The following SNX11 variants were observed in gnomAD, a reference collection of about 807,000 sequenced individuals.
The protein encoded by SNX11 is sorting nexin-11.
SNX11 carries 19 observed loss-of-function variants against 30.7 expected under a neutral mutation model. The ratio of observed to expected loss-of-function variants is 0.62; its 90% CI spans 0.43 to 0.91. SNX11 has a LOEUF of 0.91. Ranked by LOEUF, SNX11 falls within the 40% of genes least tolerant of loss-of-function variation. SNX11 has a pLI of 0.00. For synonymous variants in SNX11, 112 were observed against 119.0 expected, an observed-to-expected ratio of 0.94 and a Z score of 0.38; for missense variants, 302 against 326.7, an observed-to-expected ratio of 0.92 and a Z score of 0.58.
At chr17:48,110,374 A>G (rs1190689387) in intron 1 of SNX11, among the ~76,000 whole-genome samples, 4 of 152,156 alleles carry the variant, frequency 2.6e-5, no homozygotes, top group African/African-American at 7.2e-5. Context: ...GTGTAGCCCA[A>G]TTTTGTCATG....
rs1390136496 is a variant in SNX11, at chr17:48,121,602, G to C, written c.*94G>C. 7.2e-7 allele frequency: 1 copy of C among 1,391,496 alleles called. No individual in the cohort carries two copies. The highest frequency in any genetic ancestry group is 9.9e-7 in the Non-Finnish European group (1 of 1,009,928). The allele number at this position is 1,391,496 out of a possible 1,614,324, so 86.2% of individuals were successfully genotyped here. A position where few individuals can be genotyped will look rare whatever the true frequency, so the allele number is the denominator to read the frequency against. ...CACAGGGCAGGTATGTGGGAGGCTG[G>C]GCTGCTTAGTGTCTTCTAGTCACCT... is the stretch of plus-strand genomic sequence containing the variant. On this transcript the variant is annotated 3_prime_UTR_variant, in exon 7 of 7. Coordinates refer to ENST00000359238, the MANE Select transcript of SNX11 (RefSeq NM_013323.3).
chr17:48,108,318 C>T (rs2063457261), intron 1 of SNX11, among the ~76,000 whole-genome samples: 1 of 152,174 alleles, frequency 6.6e-6, no homozygotes, highest in Non-Finnish European at 1.5e-5. Context: ...TGGTTGAGAT[C>T]ACACAGAGCT....
At chr17:48,111,751 C>T (rs942389855) in intron 1 of SNX11, among the ~76,000 whole-genome samples, 2 of 152,002 alleles carry the variant, frequency 1.3e-5, no homozygotes, top group African/African-American at 2.4e-5. Context: ...GTTCTGGCTG[C>T]GTGTGACAAA....
At position 48,123,461 on chromosome 17, in the gene SNX11, C is replaced by T. The variant is rs1156901809; in HGVS notation, c.*1953C>T. The stretch of plus-strand genomic sequence containing the variant: ...CTGGGTTGGCCTTCTTCTGTTTGCT[C>T]CTTTTCTTCCTGGAGTTGGTGCTCA... On this transcript the variant is annotated 3_prime_UTR_variant, in exon 7 of 7. Transcript: ENST00000359238. Among the ~76,000 whole-genome samples the T allele has an allele frequency of 6.6e-6, 1 of 152,042 alleles. No homozygotes were observed. The highest frequency in any genetic ancestry group is 1.5e-5 in the Non-Finnish European group (1 of 68,020).
At chr17:48,113,734 G>A (rs1047864452) in intron 4 of SNX11, among the ~76,000 whole-genome samples, 4 of 151,880 alleles carry the variant, frequency 2.6e-5, no homozygotes, top group Non-Finnish European at 5.9e-5. Context: ...TTTTTGTAGA[G>A]ATGGAGGTCT....
intron 1 of SNX11, chr17:48,111,182 C>G (rs943715715): frequency 2.1e-6 from 2 of 954,878 alleles, no homozygotes; most frequent in Non-Finnish European, 2.5e-6. Context: ...AGGGGAAGGT[C>G]CCAACTGGGC....
intron 4 of SNX11, 111 bp from the exon 5 acceptor site, chr17:48,118,593 A>AAT: frequency 3.0e-6 from 2 of 671,950 alleles, no homozygotes; most frequent in Non-Finnish European, 5.1e-6. Flanking sequence ...AAAAAAAAAA[A>AAT]GCTATTTGTA....
intron 4 of SNX11, among the ~76,000 whole-genome samples, chr17:48,115,068 T>C (rs980140844): frequency 2.1e-4 from 31 of 150,288 alleles, no homozygotes; most frequent in Non-Finnish European, 3.9e-4. Flanking sequence ...TTTTTTCTTT[T>C]TTTTTTTTTT....
chr17:48,122,710 AGGGG>A lies in SNX11; in HGVS notation c.*1203_*1206del, dbSNP rs2063612924. ...TGTCATGGCATTTAGTTCAGAGTGG[AGGGG>A]CTTTGGCCTGAAATAAAATGCAAGT... On this transcript the variant is annotated 3_prime_UTR_variant, in exon 7 of 7. Coordinates refer to ENST00000359238, the MANE Select transcript of SNX11 (RefSeq NM_013323.3). The A allele has an allele frequency of 6.6e-6, 1 of 152,184 alleles. No homozygotes were observed. Among genetic ancestry groups the A allele is most frequent in the Admixed American group, 6.5e-5 (1 of 15,276 alleles). 9.4% of individuals were successfully genotyped at this position (152,184 alleles called of 1,614,324 possible). A position where few individuals can be genotyped will look rare whatever the true frequency, so the allele number is the denominator to read the frequency against.
intron 4 of SNX11, among the ~76,000 whole-genome samples, chr17:48,115,172 C>G (rs201217079): frequency 6.1e-4 from 92 of 151,448 alleles, no homozygotes; most frequent in Admixed American, 5.3e-3. Flanking sequence ...AGCGATTCTC[C>G]TGCCTCAGCT....
intron 6 of SNX11, among the ~76,000 whole-genome samples, chr17:48,120,202 T>G (rs959797689): frequency 4.1e-4 from 2 of 4,852 alleles, no homozygotes; most frequent in African/African-American, 1.2e-3. Context: ...CATTTATCTG[T>G]TTTTTTTTTT....
In SNX11 at chr17:48,114,217, G is replaced by A. The variant is rs1456695327; in HGVS notation, c.230+816G>A. On this transcript the variant is annotated intron_variant, in intron 4 of 6. Transcript: ENST00000359238. ...AGTTTTGCTCTTGTTGCCTGGGTGC[G>A]ATCTCGGCTCACCGCAACCTCCACC... Among the ~76,000 whole-genome samples the A allele has an allele frequency of 2.7e-5, 4 of 145,582 alleles. No homozygotes were observed. The East Asian group carries it at 8.0e-4, about 29-fold the overall frequency.
Position 48,121,661 on chromosome 17 carries a change from C to T in SNX11, c.*153C>T. The T allele has an allele frequency of 1.4e-6, 1 of 728,070 alleles. No homozygotes were observed. The highest frequency in any genetic ancestry group is 2.6e-5 in the East Asian group (1 of 38,840). The allele number at this position is 728,070 out of a possible 1,614,324, so 45.1% of individuals were successfully genotyped here. A position where few individuals can be genotyped will look rare whatever the true frequency, so the allele number is the denominator to read the frequency against. On this transcript the variant is annotated 3_prime_UTR_variant, in exon 7 of 7. Coordinates refer to ENST00000359238, the MANE Select transcript of SNX11 (RefSeq NM_013323.3). ...GCTGATTGACAGAGGTCAGTCATTA[C>T]AGCCCCTTATGCCTCTTCCATGGGA...
Position 48,122,498 on chromosome 17 carries a change from C to T in SNX11, c.*990C>T, listed in dbSNP as rs1041951500. 4 of 152,638 alleles carry T rather than the reference C, an allele frequency of 2.6e-5. No individual in the cohort carries two copies. The highest frequency in any genetic ancestry group is 9.7e-5 in the African/African-American group (4 of 41,430). The allele number at this position is 152,638 out of a possible 1,614,324, so 9.5% of individuals were successfully genotyped here. ...TTCAGACAATGAGGCATTCTGTCCT[C>T]CTGCTGCCATTCTTCATCTCCACTG... On this transcript the variant is annotated 3_prime_UTR_variant, in exon 7 of 7. Coordinates refer to ENST00000359238, the MANE Select transcript of SNX11 (RefSeq NM_013323.3).
chr17:48,120,536 G>A (rs2063588677), intron 6 of SNX11, among the ~76,000 whole-genome samples: 2 of 129,778 alleles, frequency 1.5e-5, no homozygotes, highest in East Asian at 2.2e-4. Context: ...TTGAGATGGA[G>A]TCTTGCTCTG....
intron 4 of SNX11, among the ~76,000 whole-genome samples, chr17:48,114,582 G>A (rs898276613): frequency 2.0e-5 from 3 of 150,532 alleles, no homozygotes; most frequent in Non-Finnish European, 4.4e-5. Flanking sequence ...TCAGCCTCCC[G>A]AGTAGCTGGA....
Position 48,122,015 on chromosome 17 carries a change from T to A in SNX11, c.*507T>A, listed in dbSNP as rs2063607484. 1 of 156,368 alleles carries A rather than the reference T, an allele frequency of 6.4e-6. No individual in the cohort carries two copies. The highest frequency in any genetic ancestry group is 1.4e-5 in the Non-Finnish European group (1 of 69,852). 9.7% of individuals were successfully genotyped at this position (156,368 alleles called of 1,614,324 possible). On this transcript the variant is annotated 3_prime_UTR_variant, in exon 7 of 7. Transcript: ENST00000359238. ...TGGACAGGGGGATGAATATTTACTT[T>A]CCCACCTCCTTGCTTTTTCTTTCAC... is the stretch of plus-strand genomic sequence containing the variant.
chr17:48,112,290 TTTGA>T (rs2063499795), intron 2 of SNX11: 1 of 659,074 alleles, frequency 1.5e-6, no homozygotes, highest in Non-Finnish European at 2.7e-6. Flanking sequence ...TAAATTTTCC[TTTGA>T]TTGGAATATA....
chr17:48,117,057 T>C (rs2063552812), intron 4 of SNX11, among the ~76,000 whole-genome samples: 1 of 151,192 alleles, frequency 6.6e-6, no homozygotes, highest in Admixed American at 6.6e-5. Flanking sequence ...TCTTTTCTCT[T>C]TTTTGTTTTT....
Sources: gnomAD v4.1 joint callset for allele counts (sites outside exome capture counted in the v4.1 genomes callset) on GRCh38, gnomAD v4.1.1 for gene constraint, MANE v1.5 for transcripts, NCBI Gene and HGNC (gene_info 2026-07-23, HGNC 2026-07-21) for gene names.